ANKMY2: variants seen among roughly 807,000 people sequenced by gnomAD.
ANKMY2 encodes ankyrin repeat and MYND domain containing 2.
Under a neutral mutation model 50.4 loss-of-function variants are expected in ANKMY2, and 36 were observed. The ratio of observed to expected loss-of-function variants is 0.71; its 90% CI spans 0.55 to 0.94. ANKMY2 has a LOEUF of 0.94. Among genes scored for constraint, ANKMY2 ranks in the 40% least tolerant of loss-of-function variants. The pLI, the probability that ANKMY2 is intolerant of heterozygous loss-of-function variation, is 0.00. For synonymous variants in ANKMY2, 187 were observed against 178.8 expected (o/e 1.05, Z -0.36); for missense variants, 565 against 524.0 (o/e 1.08, Z -0.76).
intron 3 of ANKMY2, among the ~76,000 whole-genome samples, 192 bp from the exon 4 acceptor site, chr7:16,625,273 C>A (rs919002156): frequency 6.6e-6 from 1 of 152,112 alleles, no homozygotes; most frequent in African/African-American, 2.4e-5. Context: ...AGAAATTAAC[C>A]TTATTTTCTG....
At chr7:16,628,460 T>G (rs529528889) in intron 2 of ANKMY2, among the ~76,000 whole-genome samples, 1 of 143,642 alleles carries the variant, frequency 7.0e-6, no homozygotes, top group East Asian at 2.0e-4. Flanking sequence ...ATGATAACTT[T>G]GAAGACTCCC....
rs1197822942 is a variant in ANKMY2, at chr7:16,645,529, C to G, written c.45G>C (p.Glu15Asp). 1 of 1,611,946 alleles carries G rather than the reference C, an allele frequency of 6.2e-7. No individual in the cohort carries two copies. Among genetic ancestry groups the G allele is most frequent in the East Asian group, 2.2e-5 (1 of 44,668 alleles). ...KKGELTQEEK[E>D]LLEVIGKGTV... The stretch of plus-strand genomic sequence containing the variant: ...TACCTTTCCCGATGACTTCCAGTAG[C>G]TCCTTCTCCTCCTGGGTCAGCTCGC... Residue 15 changes from glutamate (E) to aspartate (D), a missense_variant, in exon 1 of 10, where the codon GAG becomes GAC. Coordinates refer to ENST00000306999, the MANE Select transcript of ANKMY2 (RefSeq NM_020319.3).
At chr7:16,602,117 G>A (rs190656912) in intron 9 of ANKMY2, among the ~76,000 whole-genome samples, 102 of 152,244 alleles carry the variant, frequency 6.7e-4, no homozygotes, top group African/African-American at 2.3e-3. Flanking sequence ...CATTGTTCCA[G>A]GGCAGTAACC....
Position 16,645,692 on chromosome 7 carries a change from C to A in ANKMY2, c.-119G>T. 2 of 1,118,350 alleles carry A rather than the reference C, an allele frequency of 1.8e-6. No individual in the cohort carries two copies. The highest frequency in any genetic ancestry group is 2.5e-6 in the Non-Finnish European group (2 of 805,296). The allele number at this position is 1,118,350 out of a possible 1,614,324, so 69.3% of individuals were successfully genotyped here. A position where few individuals can be genotyped will look rare whatever the true frequency, so the allele number is the denominator to read the frequency against. On this transcript the variant is annotated 5_prime_UTR_variant, in exon 1 of 10. Transcript: ENST00000306999. ...ACTTGAGACCAAGACACTGAGTAGCCAACCGCGGAAACGCTTCGCTTCTCT... is the reference window on the plus strand; with the variant it reads ...ACTTGAGACCAAGACACTGAGTAGCAAACCGCGGAAACGCTTCGCTTCTCT...
chr7:16,627,532 A>G (rs1781523079), intron 2 of ANKMY2, among the ~76,000 whole-genome samples: 1 of 152,244 alleles, frequency 6.6e-6, no homozygotes, highest in Admixed American at 6.5e-5. Flanking sequence ...TTTTAAAAGA[A>G]GAAAAATCTC....
rs779916461 is a variant in ANKMY2, at chr7:16,602,344, T to C, written c.1141+36A>G. On this transcript the variant is annotated intron_variant, in intron 9 of 9. Transcript: ENST00000306999. ...GATCACCTATCATCTCTCTCTCCAC[T>C]AAAAAGCAGAGTGAACTCGGTTTTT... 4.8e-5 allele frequency: 77 copies of C among 1,601,932 alleles called. No individual in the cohort carries two copies. The South Asian group carries it at 8.0e-4, about 17-fold the overall frequency.
chr7:16,612,855 T>C (rs571728085), intron 5 of ANKMY2, among the ~76,000 whole-genome samples: 12 of 152,338 alleles, frequency 7.9e-5, no homozygotes, highest in Admixed American at 7.8e-4. Context: ...AAATCCTTTT[T>C]ATTAATTAAT....
intron 2 of ANKMY2, among the ~76,000 whole-genome samples, chr7:16,632,070 T>C (rs953781638): frequency 8.7e-5 from 13 of 149,876 alleles, no homozygotes; most frequent in African/African-American, 2.9e-4. Context: ...CCTCCTTCTC[T>C]TTCTCCTTTC....
In ANKMY2 at chr7:16,645,415, C is replaced by T. The variant is rs574704314; in HGVS notation, c.67+92G>A. The T allele has an allele frequency of 1.8e-4, 234 of 1,300,602 alleles. 2 individuals are homozygous for T. The African/African-American group carries it at 3.2e-3, about 18-fold the overall frequency. The allele number at this position is 1,300,602 out of a possible 1,614,324, so 80.6% of individuals were successfully genotyped here. A position where few individuals can be genotyped will look rare whatever the true frequency, so the allele number is the denominator to read the frequency against. ...GGCTGCAAACCTTGCAGAACCGCAG[C>T]CAAAGGTCACCCAGGCCAGGAGCGC... On this transcript the variant is annotated intron_variant, in intron 1 of 9. Transcript: ENST00000306999.
Position 16,604,846 on chromosome 7 carries a change from A to C in ANKMY2, c.886T>G (p.Ser296Ala), listed in dbSNP as rs772631537. ...VRSIAPVEIG[S>A]DPTAFSVLTQ... ...AGGACGGAGAATGCAGTGGGATCAGAACCCTAGAGTGGGCATGAAGAGGAG... is the reference window on the plus strand; with the variant it reads ...AGGACGGAGAATGCAGTGGGATCAGCACCCTAGAGTGGGCATGAAGAGGAG... The change falls in exon 8 of 10, where the codon TCT (serine) becomes GCT (alanine). Residue 296 changes from serine to alanine, a missense_variant. By Grantham distance (99) the Ser-to-Ala change is moderately conservative. Coordinates refer to ENST00000306999, the MANE Select transcript of ANKMY2 (RefSeq NM_020319.3). 75 of 1,608,852 alleles carry C rather than the reference A, an allele frequency of 4.7e-5. No homozygotes were observed. In the Admixed American group the frequency reaches 1.3e-3, roughly 27 times the overall value.
intron 2 of ANKMY2, among the ~76,000 whole-genome samples, chr7:16,633,032 A>C (rs1781610204): frequency 6.6e-6 from 1 of 152,088 alleles, no homozygotes; most frequent in Non-Finnish European, 1.5e-5. Context: ...TTATGTATTG[A>C]TCACTTGTAT....
In ANKMY2 at chr7:16,625,023, G is replaced by A; in HGVS notation, c.330C>T (p.Asn110=). The A allele has an allele frequency of 6.2e-7, 1 of 1,614,058 alleles. No homozygotes were observed. The highest frequency in any genetic ancestry group is 8.5e-7 in the Non-Finnish European group (1 of 1,179,986). ...LEAGAETDVV[N]SVGRTAAQMA... is the part of the protein sequence containing the mutation. ...TCTGAGCTGCTGTTCTTCCCACAGA[G>A]TTGACAACATCTGTCTCAGCACCAG... The change falls in exon 4 of 10, where the codon AAC becomes AAT. Residue 110 remains asparagine (N), a synonymous_variant. Transcript: ENST00000306999.
intron 8 of ANKMY2, 79 bp from the exon 9 acceptor site, chr7:16,602,588 A>G (rs1362812557): frequency 6.7e-7 from 1 of 1,486,504 alleles, no homozygotes; most frequent in African/African-American, 1.4e-5. Context: ...ACCAAGAACT[A>G]AGCTATAAAA....
In ANKMY2 at chr7:16,629,045, C is replaced by T. The variant is rs1002680280; in HGVS notation, c.133-1867G>A. On this transcript the variant is annotated intron_variant, in intron 2 of 9. Transcript: ENST00000306999. ...CACATCTCCAACTGTCCTTATTTTC[C>T]TGTGTTTGTGTTTTCACTGTCATCT... Among the ~76,000 whole-genome samples, 3 of 152,152 alleles carry T rather than the reference C, an allele frequency of 2.0e-5. No individual in the cohort carries two copies. The South Asian group carries it at 6.2e-4, about 32-fold the overall frequency.
At chr7:16,645,004 G>T (rs886117882) in intron 1 of ANKMY2, among the ~76,000 whole-genome samples, 7 of 152,186 alleles carry the variant, frequency 4.6e-5, no homozygotes, top group Non-Finnish European at 7.3e-5. Context: ...TACAGACCTA[G>T]TTCTGTACCC....
intron 2 of ANKMY2, among the ~76,000 whole-genome samples, chr7:16,629,990 A>T (rs896049295): frequency 6.6e-6 from 1 of 152,170 alleles, no homozygotes; most frequent in African/African-American, 2.4e-5. Flanking sequence ...CAGTGTAAAT[A>T]TCCAGAAAAG....
At position 16,615,761 on chromosome 7, in the gene ANKMY2, T is replaced by C; in HGVS notation, c.514A>G (p.Asn172Asp). The change falls in exon 5 of 10, where the codon AAT becomes GAT. Residue 172 changes from asparagine (N) to aspartate (D), a missense_variant. Transcript: ENST00000306999. ...CACACTACCTTGACAGGATGAAGAT[T>C]CGTTGTGGTGATAATTTTGTGCAGC... ...GPLHKIITTT[N>D]LHPVKIVMLV... is the part of the protein sequence containing the mutation. The C allele has an allele frequency of 6.2e-7, 1 of 1,614,158 alleles. No individual in the cohort carries two copies. Among genetic ancestry groups the C allele is most frequent in the South Asian group, 1.1e-5 (1 of 91,082 alleles).
At chr7:16,637,542 T>G (rs561079294) in intron 1 of ANKMY2, among the ~76,000 whole-genome samples, 6 of 152,326 alleles carry the variant, frequency 3.9e-5, no homozygotes, top group Admixed American at 3.9e-4. Flanking sequence ...TGATAGCAGC[T>G]ATTTTTTTTA....
chr7:16,639,901 T>C (rs1039811692), intron 1 of ANKMY2, among the ~76,000 whole-genome samples: 2 of 152,128 alleles, frequency 1.3e-5, no homozygotes, highest in Non-Finnish European at 2.9e-5. Flanking sequence ...GGCTCACACC[T>C]GTAATCACAG....
Sources: allele counts gnomAD v4.1 joint callset (sites outside exome capture counted in the v4.1 genomes callset), GRCh38; gene constraint gnomAD v4.1.1; transcripts MANE v1.5; gene names NCBI Gene and HGNC (gene_info 2026-07-23, HGNC 2026-07-21).